Variants in SLCO1B3 observed in about 807,000 individuals in gnomAD.
SLCO1B3 encodes the protein liver-specific organic anion transporter 2.
SLCO1B3 carries 72 observed loss-of-function variants against 71.8 expected under a neutral mutation model. That is an observed-to-expected ratio of 1.00 (90% CI 0.83 to 1.22). The LOEUF (loss-of-function observed/expected upper bound fraction) is 1.22, where lower values mean the gene tolerates loss of function less well. Among genes scored for constraint, SLCO1B3 ranks in the 50% most tolerant of loss-of-function variants. The pLI is 0.00. For synonymous variants in SLCO1B3, 298 were observed against 278.4 expected (o/e 1.07, Z -0.70); for missense variants, 911 against 819.7 (o/e 1.11, Z -1.36).
At chr12:20,912,563 G>A (rs943593153) in intron 15 of SLCO1B3, among the ~76,000 whole-genome samples, 22 of 143,044 alleles carry the variant, frequency 1.5e-4, no homozygotes, top group African/African-American at 2.9e-4. Context: ...CACTGCTGTC[G>A]CCCAGGCTGG....
rs376393874 is a variant in SLCO1B3 at position 20,916,047 on chromosome 12, C to T, written c.1909C>T (p.Leu637Phe). 4 of 1,610,386 alleles carry T rather than the reference C, an allele frequency of 2.5e-6. No individual in the cohort carries two copies. The highest frequency in any genetic ancestry group is 2.7e-5 in the African/African-American group (2 of 74,778). Residue 637 changes from leucine (L) to phenylalanine (F), a missense_variant, in exon 16 of 16, where the codon CTT becomes TTT. Coordinates refer to ENST00000381545, the MANE Select transcript of SLCO1B3 (RefSeq NM_019844.4). ...ATCTATAGCTTTAAGATTCCCAGCACTTGTTTTATATATTGTTTTCATTTT... is the reference window on the plus strand; with the variant it reads ...ATCTATAGCTTTAAGATTCCCAGCATTTGTTTTATATATTGTTTTCATTTT... ...GLSIALRFPALVLYIVFIFAM... is the reference protein window; with the variant it reads ...GLSIALRFPAFVLYIVFIFAM...
chr12:20,890,243 G>A (rs1865878295), intron 13 of SLCO1B3, among the ~76,000 whole-genome samples: 1 of 151,792 alleles, frequency 6.6e-6, no homozygotes, highest in South Asian at 2.1e-4. Flanking sequence ...AAAAAAATCT[G>A]CCTTGATTTC....
intron 13 of SLCO1B3, among the ~76,000 whole-genome samples, chr12:20,893,930 C>G (rs1036927562): frequency 2.6e-5 from 4 of 152,124 alleles, no homozygotes; most frequent in Admixed American, 1.3e-4. Context: ...TAAAAAACTG[C>G]ATTTTAGTGG....
At chr12:20,895,529 A>C (rs1013292110) in intron 13 of SLCO1B3, among the ~76,000 whole-genome samples, 1 of 152,168 alleles carries the variant, frequency 6.6e-6, no homozygotes, top group Admixed American at 6.5e-5. Context: ...TCCATGTCTC[A>C]CATCTGGGTC....
At chr12:20,847,524 A>C (rs1167949395) in intron 3 of SLCO1B3, among the ~76,000 whole-genome samples, 1 of 134,036 alleles carries the variant, frequency 7.5e-6, no homozygotes, top group Non-Finnish European at 1.7e-5. Context: ...CAGACAACCC[A>C]GCTTTCAGAA....
chr12:20,831,602 C>G (rs905921921), intron 3 of SLCO1B3, among the ~76,000 whole-genome samples: 1 of 151,990 alleles, frequency 6.6e-6, no homozygotes, highest in Non-Finnish European at 1.5e-5. Flanking sequence ...TCATGAGGAA[C>G]AAAAATGTAA....
chr12:20,828,904 C>G (rs573130943), intron 3 of SLCO1B3, among the ~76,000 whole-genome samples: 4 of 152,306 alleles, frequency 2.6e-5, no homozygotes, highest in Non-Finnish European at 5.9e-5. Context: ...TACCATTGCT[C>G]TGTCCTCTTG....
intron 8 of SLCO1B3, among the ~76,000 whole-genome samples, chr12:20,866,127 G>A (rs7962742): frequency 0.72 from 110,053 of 151,934 alleles, 42,447 homozygotes; most frequent in South Asian, 0.9. Context: ...TGTGTGAGCC[G>A]TATGAAGTAC....
chr12:20,893,670 A>T (rs1024257217), intron 13 of SLCO1B3, among the ~76,000 whole-genome samples: 1 of 152,206 alleles, frequency 6.6e-6, no homozygotes, highest in African/African-American at 2.4e-5. Context: ...TAGGAACTAA[A>T]TATTTTGCTG....
intron 4 of SLCO1B3, 109 bp downstream of exon 4, chr12:20,855,278 C>G (rs992374019): frequency 2.1e-6 from 2 of 948,216 alleles, no homozygotes; most frequent in Non-Finnish European, 3.1e-6. Flanking sequence ...ATTTGTCTCT[C>G]ATGGGCAATT....
chr12:20,815,659 T>C lies in SLCO1B3; in HGVS notation c.-65-15T>C. ...TGTTAAAGTAAAATAAATTATACTTTTTCTTTTTTAACAGGTGATCATTTC... is the reference window on the plus strand; with the variant it reads ...TGTTAAAGTAAAATAAATTATACTTCTTCTTTTTTAACAGGTGATCATTTC... On this transcript the variant is annotated splice_polypyrimidine_tract_variant and intron_variant, in intron 2 of 15. Transcript: ENST00000381545. 1.1e-6 allele frequency: 1 copy of C among 904,800 alleles called. No individual in the cohort carries two copies. Among genetic ancestry groups the C allele is most frequent in the Non-Finnish European group, 1.8e-6 (1 of 571,186 alleles). The allele number at this position is 904,800 out of a possible 1,614,324, so 56.0% of individuals were successfully genotyped here.
chr12:20,812,443 G>A (rs71436838), intron 1 of SLCO1B3, among the ~76,000 whole-genome samples: 15,348 of 152,196 alleles, frequency 0.1, 1,042 homozygotes, highest in Middle Eastern at 0.17. Context: ...AAACATTAAA[G>A]TGGTGTGATT....
chr12:20,862,946 C>T, intron 8 of SLCO1B3, 92 bp downstream of exon 8: 1 of 623,064 alleles, frequency 1.6e-6, no homozygotes, highest in East Asian at 2.9e-5. Context: ...TTCAATAGTT[C>T]TTTGTTTACT....
intron 12 of SLCO1B3, 122 bp downstream of exon 12, chr12:20,881,142 C>T: frequency 1.5e-6 from 1 of 678,950 alleles, no homozygotes; most frequent in Non-Finnish European, 2.4e-6. Flanking sequence ...CAAAAAGATT[C>T]CAGTATTATC....
intron 6 of SLCO1B3, 67 bp from the exon 7 acceptor site, chr12:20,862,345 G>T: frequency 1.4e-6 from 2 of 1,462,976 alleles, no homozygotes; most frequent in South Asian, 1.3e-5. Context: ...AGGATTTAAA[G>T]TAGTTAAATT....
intron 8 of SLCO1B3, 69 bp from the exon 9 acceptor site, chr12:20,875,163 TATC>T: frequency 6.5e-7 from 1 of 1,535,490 alleles, no homozygotes; most frequent in East Asian, 2.2e-5. Context: ...CTGCAATCAT[TATC>T]ATTATTTCCC....
chr12:20,814,604 A>G (rs1591737815), intron 2 of SLCO1B3, among the ~76,000 whole-genome samples: 1 of 152,198 alleles, frequency 6.6e-6, no homozygotes, highest in Non-Finnish European at 1.5e-5. Flanking sequence ...AAAAATGCAT[A>G]TTAAGGCTGG....
intron 3 of SLCO1B3, among the ~76,000 whole-genome samples, chr12:20,835,365 A>G (rs898405528): frequency 6.6e-6 from 1 of 152,162 alleles, no homozygotes; most frequent in African/African-American, 2.4e-5. Flanking sequence ...GCCTGCTTGA[A>G]TATCCCCCCA....
intron 15 of SLCO1B3, among the ~76,000 whole-genome samples, chr12:20,915,332 A>G (rs1416797849): frequency 6.6e-6 from 1 of 152,102 alleles, no homozygotes; most frequent in East Asian, 1.9e-4. Flanking sequence ...TTTGGTTCTT[A>G]GAATTTTTAT....
Sources: allele counts gnomAD v4.1 joint callset (sites outside exome capture counted in the v4.1 genomes callset), GRCh38; gene constraint gnomAD v4.1.1; transcripts MANE v1.5; gene names NCBI Gene and HGNC (gene_info 2026-07-23, HGNC 2026-07-21).